Variants in PDS5A observed in about 807,000 individuals in gnomAD.
The protein encoded by PDS5A is PDS5 cohesin associated factor A.
A neutral mutation model predicts 167.1 loss-of-function variants in PDS5A; 42 were observed. That is an observed-to-expected ratio of 0.25 (90% CI 0.20 to 0.33). The LOEUF is 0.33. PDS5A is among the 10% of genes least tolerant of loss of function. The pLI is 1.00. For synonymous variants in PDS5A, 553 were observed against 554.6 expected, an observed-to-expected ratio of 1.00 and a Z score of 0.04; for missense variants, 1,033 against 1,605.9, an observed-to-expected ratio of 0.64 and a Z score of 6.10.
In PDS5A at chr4:39,925,948, AATAATTATTGAATTATAC is replaced by A. The variant is rs1725415280; in HGVS notation, c.430-33_430-16del. On this transcript the variant is annotated splice_polypyrimidine_tract_variant and intron_variant, in intron 4 of 32. Transcript: ENST00000303538. The stretch of plus-strand genomic sequence containing the variant: ...CAAGCTAAATTCTTAAATAAATAAA[AATAATTATTGAATTATAC>A]ATATATACAGAATAGTTATATAATA... 1 of 964,158 alleles carries A rather than the reference AATAATTATTGAATTATAC, an allele frequency of 1.0e-6. No homozygotes were observed. The highest frequency in any genetic ancestry group is 1.5e-6 in the Non-Finnish European group (1 of 670,272). 59.7% of individuals were successfully genotyped at this position (964,158 alleles called of 1,614,324 possible). A position where few individuals can be genotyped will look rare whatever the true frequency, so the allele number is the denominator to read the frequency against.
chr4:39,929,018 A>G (rs773535369), intron 2 of PDS5A, among the ~76,000 whole-genome samples: 1 of 152,140 alleles, frequency 6.6e-6, no homozygotes, highest in Non-Finnish European at 1.5e-5. Context: ...TACCATTCAC[A>G]TTTTTGTGTA....
chr4:39,831,335 G>A (rs1389954981), intron 32 of PDS5A, among the ~76,000 whole-genome samples: 1 of 151,596 alleles, frequency 6.6e-6, no homozygotes, highest in Non-Finnish European at 1.5e-5. Context: ...TCCTGACCTC[G>A]TGATCTGCCC....
intron 22 of PDS5A, 88 bp downstream of exon 22, chr4:39,869,306 G>C: frequency 1.2e-6 from 1 of 835,384 alleles, no homozygotes; most frequent in South Asian, 1.4e-5. Context: ...TCCCATCTCT[G>C]TTTATTAAAT....
intron 2 of PDS5A, among the ~76,000 whole-genome samples, chr4:39,960,709 T>A (rs1283017104): frequency 6.6e-6 from 1 of 151,078 alleles, no homozygotes; most frequent in Admixed American, 6.6e-5. Flanking sequence ...TTTTTTTTTT[T>A]AACGGAGTCT....
At position 39,876,996 on chromosome 4, in the gene PDS5A, C is replaced by G. The variant is rs747764651; in HGVS notation, c.2150G>C (p.Arg717Pro). The change falls in exon 19 of 33, where the codon CGA becomes CCA. Residue 717 changes from arginine to proline, a missense_variant. Arg to Pro is a moderately radical substitution (Grantham distance 103). Coordinates refer to ENST00000303538, the MANE Select transcript of PDS5A (RefSeq NM_001100399.2). ...HKIETDLPQI[R>P]STLIPILHQK... Reference sequence around the variant, plus strand: ...ACGGGAGAAAAAATGTACTCACGATCGTATCTGGGGAAGGTCTGTTTCTAT... The same window carrying G: ...ACGGGAGAAAAAATGTACTCACGATGGTATCTGGGGAAGGTCTGTTTCTAT... 1 of 1,605,928 alleles carries G rather than the reference C, an allele frequency of 6.2e-7. No homozygotes were observed. The highest frequency in any genetic ancestry group is 1.7e-5 in the Admixed American group (1 of 58,630).
intron 16 of PDS5A, among the ~76,000 whole-genome samples, chr4:39,892,128 A>G (rs1722028497): frequency 6.6e-6 from 1 of 151,142 alleles, no homozygotes; most frequent in Non-Finnish European, 1.5e-5. Context: ...AAAGTTAACT[A>G]TCCATTTAAG....
chr4:39,890,851 A>G (rs1261760276), intron 16 of PDS5A, among the ~76,000 whole-genome samples: 1 of 151,996 alleles, frequency 6.6e-6, no homozygotes, highest in Non-Finnish European at 1.5e-5. Flanking sequence ...TCCTGACCTC[A>G]AGTGATCCAC....
intron 26 of PDS5A, among the ~76,000 whole-genome samples, chr4:39,856,843 T>TAAAA (rs1313388756): frequency 8.6e-5 from 13 of 151,036 alleles, no homozygotes; most frequent in Admixed American, 7.9e-4. Flanking sequence ...AATAAATAAA[T>TAAAA]AAAAGGAAAA....
chr4:39,864,711 G>A (rs533644816), intron 23 of PDS5A, among the ~76,000 whole-genome samples: 4 of 152,294 alleles, frequency 2.6e-5, no homozygotes, highest in Admixed American at 6.5e-5. Flanking sequence ...ATTCATTCAG[G>A]AATCAAAGTT....
At chr4:39,882,196 T>C (rs2109596439) in intron 17 of PDS5A, among the ~76,000 whole-genome samples, 1 of 152,344 alleles carries the variant, frequency 6.6e-6, no homozygotes, top group East Asian at 1.9e-4. Context: ...ATTTCCCAAA[T>C]GAGTATTAAT....
rs180786352 is a variant in PDS5A at position 39,887,672 on chromosome 4, T to C, written c.1886+2577A>G. On this transcript the variant is annotated intron_variant, in intron 17 of 32. Coordinates refer to ENST00000303538, the MANE Select transcript of PDS5A (RefSeq NM_001100399.2). ...AGACAGTGATCTGAGCCAAGTTTGT[T>C]TGTGTTAACATCCCAAAAGTACAGG... 9.4e-4 allele frequency among the ~76,000 whole-genome samples: 143 copies of C among 152,258 alleles called. No homozygotes were observed. The Middle Eastern group carries it at 0.02, about 22-fold the overall frequency.
chr4:39,952,182 A>G (rs572555617), intron 2 of PDS5A, among the ~76,000 whole-genome samples: 1 of 148,224 alleles, frequency 6.7e-6, no homozygotes, highest in Admixed American at 6.8e-5. Flanking sequence ...ATACAAAAAA[A>G]CAGCCGGGTA....
At chr4:39,904,853 G>T (rs1413828426) in intron 11 of PDS5A, among the ~76,000 whole-genome samples, 1 of 152,172 alleles carries the variant, frequency 6.6e-6, no homozygotes, top group East Asian at 1.9e-4. Context: ...AACCTTATGG[G>T]AGAGTTCATT....
chr4:39,950,112 G>C (rs1277340453), intron 2 of PDS5A, among the ~76,000 whole-genome samples: 1 of 151,990 alleles, frequency 6.6e-6, no homozygotes, highest in Admixed American at 6.6e-5. Flanking sequence ...TCTCCATGTT[G>C]GTCAGGCTGG....
chr4:39,951,860 A>G (rs1728427234), intron 2 of PDS5A, among the ~76,000 whole-genome samples: 1 of 142,864 alleles, frequency 7.0e-6, no homozygotes, highest in African/African-American at 2.6e-5. Flanking sequence ...AGATCGCGCC[A>G]CTGCACTCCA....
At chr4:39,887,879 TAACAAAACAA>T (rs71645196) in intron 17 of PDS5A, among the ~76,000 whole-genome samples, 80 of 150,728 alleles carry the variant, frequency 5.3e-4, no homozygotes, top group African/African-American at 1.8e-3. Flanking sequence ...AATAGCAAAA[TAACAAAACAA>T]AACAAAACAA....
intron 2 of PDS5A, among the ~76,000 whole-genome samples, chr4:39,949,951 G>C (rs542806671): frequency 6.6e-6 from 1 of 152,144 alleles, no homozygotes; most frequent in African/African-American, 2.4e-5. Context: ...TGTTGCCCAG[G>C]ATGGAGTGTA....
At chr4:39,944,706 A>AAC in intron 2 of PDS5A, among the ~76,000 whole-genome samples, 1 of 151,874 alleles carries the variant, frequency 6.6e-6, no homozygotes, top group East Asian at 1.9e-4. Flanking sequence ...AAAAAAAAAA[A>AAC]AAAAACAAAA....
intron 2 of PDS5A, among the ~76,000 whole-genome samples, chr4:39,938,568 T>TAC (rs1726879869): frequency 6.6e-6 from 1 of 151,664 alleles, no homozygotes; most frequent in East Asian, 1.9e-4. Context: ...AATACATATA[T>TAC]ATATATGTCT....
Sources: allele counts gnomAD v4.1 joint callset (sites outside exome capture counted in the v4.1 genomes callset), GRCh38; gene constraint gnomAD v4.1.1; transcripts MANE v1.5; gene names NCBI Gene and HGNC (gene_info 2026-07-23, HGNC 2026-07-21).